Variants in SLC15A2 observed in about 807,000 individuals in gnomAD.
The protein encoded by SLC15A2 is kidney H(+)/peptide cotransporter.
A neutral mutation model predicts 95.5 loss-of-function variants in SLC15A2; 77 were observed. That is an observed-to-expected ratio of 0.81 (90% CI 0.67 to 0.97). The LOEUF (loss-of-function observed/expected upper bound fraction) is 0.97, where lower values mean the gene tolerates loss of function less well. Among genes scored for constraint, SLC15A2 ranks in the 50% least tolerant of loss-of-function variants. SLC15A2 has a pLI of 0.00. For synonymous variants in SLC15A2, 306 were observed against 306.9 expected (o/e 1.00, Z 0.03); for missense variants, 893 against 874.4 (o/e 1.02, Z -0.27).
At chr3:121,917,275 G>T (rs752544979) in intron 7 of SLC15A2, among the ~76,000 whole-genome samples, 11 of 152,112 alleles carry the variant, frequency 7.2e-5, no homozygotes, top group Non-Finnish European at 1.3e-4. Context: ...GTAGGGAAAG[G>T]AAGACAAACA....
chr3:121,926,036 G>A (rs1018528349), intron 13 of SLC15A2, among the ~76,000 whole-genome samples: 4 of 151,940 alleles, frequency 2.6e-5, no homozygotes, highest in Admixed American at 2.0e-4. Context: ...GGTAAATGTG[G>A]TGTATCACAG....
Position 121,940,984 on chromosome 3 carries a change from G to A in SLC15A2, c.2167G>A (p.Glu723Lys). The change falls in exon 22 of 22, where the codon GAG (glutamate) becomes AAG (lysine). Residue 723 changes from glutamate (E) to lysine (K), a missense_variant. Coordinates refer to ENST00000489711, the MANE Select transcript of SLC15A2 (RefSeq NM_021082.4). ...CATCCAGGGGAACATGATCAAACTA[G>A]AGACCAAGAAGACAAAACTCTGATG... ...PHIQGNMIKL[E>K]TKKTKL 4 of 1,613,762 alleles carry A rather than the reference G, an allele frequency of 2.5e-6. No individual in the cohort carries two copies. Among genetic ancestry groups the A allele is most frequent in the South Asian group, 1.1e-5 (1 of 90,966 alleles).
At chr3:121,914,273 CGTT>C (rs1261964624) in intron 5 of SLC15A2, among the ~76,000 whole-genome samples, 3 of 152,122 alleles carry the variant, frequency 2.0e-5, no homozygotes, top group Non-Finnish European at 4.4e-5. Context: ...GGGAAGGACT[CGTT>C]GTTCTAATAT....
At chr3:121,922,085 T>A in intron 7 of SLC15A2, 135 bp from the exon 8 acceptor site, 2 of 636,144 alleles carry the variant, frequency 3.1e-6, no homozygotes, top group South Asian at 4.3e-5. Context: ...AGCGCTGATA[T>A]ACTGAATGTG....
chr3:121,940,372 T>C lies in SLC15A2; in HGVS notation c.1909-12T>C. 2 of 1,610,258 alleles carry C rather than the reference T, an allele frequency of 1.2e-6. No individual in the cohort carries two copies. Among genetic ancestry groups the C allele is most frequent in the Non-Finnish European group, 1.7e-6 (2 of 1,176,680 alleles). On this transcript the variant is annotated splice_polypyrimidine_tract_variant and intron_variant, in intron 20 of 21. Coordinates refer to ENST00000489711, the MANE Select transcript of SLC15A2 (RefSeq NM_021082.4). The stretch of plus-strand genomic sequence containing the variant: ...GGGGGTTTGTTTACTTTCAAACTTG[T>C]GTCATCCCCAGGCTCCCTCTAGCAT...
intron 19 of SLC15A2, among the ~76,000 whole-genome samples, chr3:121,935,818 G>T (rs1441994372): frequency 1.3e-5 from 2 of 151,800 alleles, no homozygotes. Flanking sequence ...TTTTGAATGT[G>T]TTTGCTCTTG....
At chr3:121,932,659 AAGAG>A (rs994150252) in intron 19 of SLC15A2, among the ~76,000 whole-genome samples, 5 of 152,244 alleles carry the variant, frequency 3.3e-5, no homozygotes, top group African/African-American at 7.2e-5. Context: ...GAATAAAAAA[AAGAG>A]AGAACATTTC....
rs190606612 is a variant in SLC15A2, at chr3:121,906,517, T to A, written c.336-5057T>A. On this transcript the variant is annotated intron_variant, in intron 3 of 21. Transcript: ENST00000489711. ...GGTACCAGCTGTTCCTTTCCATGTTTAGCGCTTCCTTCAGGAGCTCTTTTA... is the reference window on the plus strand; with the variant it reads ...GGTACCAGCTGTTCCTTTCCATGTTAAGCGCTTCCTTCAGGAGCTCTTTTA... Among the ~76,000 whole-genome samples the A allele has an allele frequency of 3.7e-4, 56 of 152,348 alleles. 2 individuals are homozygous for A. Among genetic ancestry groups the A allele is most frequent in the East Asian group, 9.6e-4 (5 of 5,190 alleles).
At chr3:121,930,466 A>G (rs1488112563) in intron 17 of SLC15A2, among the ~76,000 whole-genome samples, 1 of 152,232 alleles carries the variant, frequency 6.6e-6, no homozygotes, top group Non-Finnish European at 1.5e-5. Flanking sequence ...TATTTTTCTT[A>G]GTAAAGTCTC....
At chr3:121,940,006 A>G (rs1195464602) in intron 20 of SLC15A2, among the ~76,000 whole-genome samples, 2 of 152,030 alleles carry the variant, frequency 1.3e-5, no homozygotes, top group Admixed American at 6.5e-5. Flanking sequence ...GGGTTTCACC[A>G]TGTTGGCCAG....
chr3:121,929,448 C>A, intron 17 of SLC15A2, 100 bp downstream of exon 17: 1 of 1,298,586 alleles, frequency 7.7e-7, no homozygotes, highest in East Asian at 2.3e-5. Context: ...ACAGGAATTC[C>A]CTCTCGTAGA....
At chr3:121,928,920 G>A (rs1429916271) in intron 15 of SLC15A2, 62 bp from the exon 16 acceptor site, 18 of 1,554,446 alleles carry the variant, frequency 1.2e-5, no homozygotes, top group East Asian at 1.1e-4. Flanking sequence ...ATGCTACATC[G>A]TGATGTCCAA....
intron 13 of SLC15A2, among the ~76,000 whole-genome samples, chr3:121,926,758 T>G (rs2107601010): frequency 6.6e-6 from 1 of 152,334 alleles, no homozygotes; most frequent in South Asian, 2.1e-4. Flanking sequence ...ACTGGCAGCT[T>G]GCACCCTGGG....
At chr3:121,927,096 G>A (rs763802854) in intron 13 of SLC15A2, among the ~76,000 whole-genome samples, 2 of 152,186 alleles carry the variant, frequency 1.3e-5, no homozygotes, top group Non-Finnish European at 2.9e-5. Flanking sequence ...GCTCATGGGT[G>A]GAAGGGACTT....
At position 121,915,280 on chromosome 3, in the gene SLC15A2, G is replaced by A; in HGVS notation, c.582G>A (p.Gly194=). ...TCTTCTACCTGTCCATCAATGCAGG[G>A]AGCTTGATTTCTACATTTATCACAC... ...FSVFYLSINA[G]SLISTFITPM... Residue 194 remains glycine, a synonymous_variant, in exon 6 of 22, where the codon GGG becomes GGA. Coordinates refer to ENST00000489711, the MANE Select transcript of SLC15A2 (RefSeq NM_021082.4). 1 of 1,613,890 alleles carries A rather than the reference G, an allele frequency of 6.2e-7. No individual in the cohort carries two copies. Among genetic ancestry groups the A allele is most frequent in the Non-Finnish European group, 8.5e-7 (1 of 1,179,842 alleles).
At chr3:121,938,844 T>C (rs1710403600) in intron 19 of SLC15A2, among the ~76,000 whole-genome samples, 1 of 152,218 alleles carries the variant, frequency 6.6e-6, no homozygotes, top group African/African-American at 2.4e-5. Context: ...CTTTAACCCT[T>C]GTTGCAAAAG....
intron 3 of SLC15A2, among the ~76,000 whole-genome samples, chr3:121,902,237 T>A (rs1709534087): frequency 6.6e-6 from 1 of 152,206 alleles, no homozygotes; most frequent in Non-Finnish European, 1.5e-5. Context: ...ACATTTTTAG[T>A]CATAGTTCCT....
rs1422775782 is a variant in SLC15A2, at chr3:121,922,282, C to G, written c.760C>G (p.Gln254Glu). 6.2e-7 allele frequency: 1 copy of G among 1,613,818 alleles called. No homozygotes were observed. Among genetic ancestry groups the G allele is most frequent in the South Asian group, 1.1e-5 (1 of 91,054 alleles). The stretch of plus-strand genomic sequence containing the variant: ...ACCCCCTGAAGGAAACATAGTGGCT[C>G]AAGTTTTCAAATGTATCTGGGTAAG... ...KPPPEGNIVAQVFKCIWFAIS... is the reference protein window; with the variant it reads ...KPPPEGNIVAEVFKCIWFAIS... The change falls in exon 8 of 22, where the codon CAA becomes GAA. Residue 254 changes from glutamine to glutamate, a missense_variant. By Grantham distance (29) the Gln-to-Glu change is conservative. Coordinates refer to ENST00000489711, the MANE Select transcript of SLC15A2 (RefSeq NM_021082.4).
rs1332718083 is a variant in SLC15A2 at position 121,942,574 on chromosome 3, T to C, written c.*1567T>C. ...TTTAATGACAAGCATTTCAGAAATATAAGAGCGGCAGCCAGACCAACCAGT... is the reference window on the plus strand; with the variant it reads ...TTTAATGACAAGCATTTCAGAAATACAAGAGCGGCAGCCAGACCAACCAGT... On this transcript the variant is annotated 3_prime_UTR_variant, in exon 22 of 22. Transcript: ENST00000489711. 1 of 152,198 alleles carries C rather than the reference T, an allele frequency of 6.6e-6. No homozygotes were observed. Among genetic ancestry groups the C allele is most frequent in the Admixed American group, 6.5e-5 (1 of 15,276 alleles). The allele number at this position is 152,198 out of a possible 1,614,324, so 9.4% of individuals were successfully genotyped here. A position where few individuals can be genotyped will look rare whatever the true frequency, so the allele number is the denominator to read the frequency against.
Sources: gnomAD v4.1 joint callset for allele counts (sites outside exome capture counted in the v4.1 genomes callset) on GRCh38, gnomAD v4.1.1 for gene constraint, MANE v1.5 for transcripts, NCBI Gene and HGNC (gene_info 2026-07-23, HGNC 2026-07-21) for gene names.